The following CADM2 variants were observed in gnomAD, a reference collection of about 807,000 sequenced individuals.
CADM2 encodes the protein cell adhesion molecule 2, also known as immunoglobulin superfamily member 4D.
In CADM2, 12 loss-of-function variants were observed where a neutral mutation model predicts 49.8. That is an observed-to-expected ratio of 0.24 (90% CI 0.15 to 0.39). CADM2 has a LOEUF of 0.39. Ranked by LOEUF, CADM2 falls within the 10% of genes least tolerant of loss-of-function variation. The pLI is 1.00. For synonymous variants in CADM2, 214 were observed against 175.4 expected, an observed-to-expected ratio of 1.22 and a Z score of -1.74; for missense variants, 378 against 492.3, an observed-to-expected ratio of 0.77 and a Z score of 2.20.
At chr3:85,152,221 T>A (rs781460403) in intron 1 of CADM2, among the ~76,000 whole-genome samples, 1 of 152,204 alleles carries the variant, frequency 6.6e-6, no homozygotes, top group Non-Finnish European at 1.5e-5. Flanking sequence ...TATAATACTC[T>A]GTAAAGTTGG....
At chr3:85,189,720 T>C (rs1012845009) in intron 1 of CADM2, among the ~76,000 whole-genome samples, 1 of 152,138 alleles carries the variant, frequency 6.6e-6, no homozygotes, top group African/African-American at 2.4e-5. Context: ...AAGGCATTCT[T>C]TAGGGGGGAC....
intron 1 of CADM2, among the ~76,000 whole-genome samples, chr3:85,003,244 T>C (rs1410675204): frequency 6.6e-6 from 1 of 152,110 alleles, no homozygotes; most frequent in Admixed American, 6.6e-5. Context: ...AAGCCTCAGA[T>C]TACAAAGTAT....
intron 3 of CADM2, among the ~76,000 whole-genome samples, chr3:85,831,804 T>C (rs2074199697): frequency 6.7e-6 from 1 of 149,100 alleles, no homozygotes; most frequent in South Asian, 2.1e-4. Flanking sequence ...CTCTTGATAC[T>C]CTCTTTCATT....
chr3:85,134,300 G>A (rs932513198), intron 1 of CADM2, among the ~76,000 whole-genome samples: 1 of 152,198 alleles, frequency 6.6e-6, no homozygotes, highest in Non-Finnish European at 1.5e-5. Flanking sequence ...AGCCCAGAAA[G>A]GGGCTCCCAC....
chr3:85,751,323 T>A (rs1330520982), intron 2 of CADM2, among the ~76,000 whole-genome samples: 1 of 152,112 alleles, frequency 6.6e-6, no homozygotes, highest in Non-Finnish European at 1.5e-5. Flanking sequence ...GCAAACAGTT[T>A]TCATTTGTTT....
intron 1 of CADM2, among the ~76,000 whole-genome samples, chr3:85,523,989 A>G (rs2061095280): frequency 6.6e-6 from 1 of 152,164 alleles, no homozygotes; most frequent in Non-Finnish European, 1.5e-5. Context: ...TTATTTAGGG[A>G]CAGACCTTGT....
chr3:85,571,038 T>C (rs145166303), intron 1 of CADM2, among the ~76,000 whole-genome samples: 1 of 152,186 alleles, frequency 6.6e-6, no homozygotes, highest in Admixed American at 6.5e-5. Flanking sequence ...AAGTGTGGGC[T>C]CATAAGTGAA....
At chr3:85,112,589 T>C (rs1042189624) in intron 1 of CADM2, among the ~76,000 whole-genome samples, 14 of 151,914 alleles carry the variant, frequency 9.2e-5, no homozygotes, top group African/African-American at 2.9e-4. Flanking sequence ...CATTTTAGTA[T>C]GTGAATTATT....
chr3:85,656,450 A>G (rs2065199062), intron 1 of CADM2, among the ~76,000 whole-genome samples: 1 of 151,950 alleles, frequency 6.6e-6, no homozygotes, highest in African/African-American at 2.4e-5. Flanking sequence ...ACCCATCTCT[A>G]CTAAATATAC....
intron 1 of CADM2, among the ~76,000 whole-genome samples, chr3:85,191,652 A>C (rs1321947036): frequency 6.6e-6 from 1 of 152,120 alleles, no homozygotes; most frequent in Non-Finnish European, 1.5e-5. Flanking sequence ...AGAGAAGGGG[A>C]TCCACTATAC....
rs576034051 is a variant in CADM2, at chr3:85,925,866, A to G, written c.701-9901A>G. 1.7e-4 allele frequency among the ~76,000 whole-genome samples: 26 copies of G among 152,234 alleles called. No homozygotes were observed. In the East Asian group the frequency reaches 1.7e-3, roughly 10 times the overall value. On this transcript the variant is annotated intron_variant, in intron 6 of 9. Coordinates refer to ENST00000383699, the MANE Select transcript of CADM2 (RefSeq NM_001167675.2). ...AATATAAAGAAAATAGGCCGGGCAC[A>G]GTGGCTCACGCCTGTAATCCCAGCA...
intron 2 of CADM2, among the ~76,000 whole-genome samples, chr3:85,734,494 A>ATT (rs1223101501): frequency 1.3e-5 from 2 of 150,872 alleles, no homozygotes. Context: ...TACAATGGAG[A>ATT]TTATATATAT....
intron 1 of CADM2, among the ~76,000 whole-genome samples, chr3:85,453,710 T>C (rs997012154): frequency 1.3e-5 from 2 of 152,150 alleles, no homozygotes; most frequent in African/African-American, 4.8e-5. Flanking sequence ...AAAAAAAACC[T>C]GTTTAATGTG....
chr3:85,249,803 GA>G (rs2042733420), intron 1 of CADM2, among the ~76,000 whole-genome samples: 1 of 151,860 alleles, frequency 6.6e-6, no homozygotes, highest in South Asian at 2.1e-4. Flanking sequence ...TTTACAAAGA[GA>G]TAATTGAAAA....
At chr3:85,286,338 T>G (rs1438035887) in intron 1 of CADM2, among the ~76,000 whole-genome samples, 1 of 152,174 alleles carries the variant, frequency 6.6e-6, no homozygotes, top group Non-Finnish European at 1.5e-5. Context: ...AGGGTCTCCC[T>G]AACAAAGCTG....
chr3:85,004,043 G>C (rs182841426), intron 1 of CADM2, among the ~76,000 whole-genome samples: 73 of 152,222 alleles, frequency 4.8e-4, no homozygotes, highest in Admixed American at 4.7e-3. Flanking sequence ...TTTTTAAGAG[G>C]CTGTTGAGCT....
chr3:85,010,672 C>T (rs1456900620), intron 1 of CADM2, among the ~76,000 whole-genome samples: 1 of 151,646 alleles, frequency 6.6e-6, no homozygotes, highest in Admixed American at 6.6e-5. Flanking sequence ...TAAACCTGTC[C>T]TTGTTACTCC....
chr3:85,883,258 C>T (rs1559720011), intron 3 of CADM2, 33 bp from the exon 4 acceptor site: 6 of 1,576,470 alleles, frequency 3.8e-6, no homozygotes, highest in Non-Finnish European at 5.2e-6. Flanking sequence ...TTCTGATGTC[C>T]TTATTTACAT....
intron 1 of CADM2, among the ~76,000 whole-genome samples, chr3:85,582,712 T>C (rs991744332): frequency 3.3e-5 from 5 of 152,176 alleles, no homozygotes; most frequent in South Asian, 2.1e-4. Flanking sequence ...TACCATCACA[T>C]TGGGAACTGG....
Sources: allele counts gnomAD v4.1 joint callset (sites outside exome capture counted in the v4.1 genomes callset), GRCh38; gene constraint gnomAD v4.1.1; transcripts MANE v1.5; gene names NCBI Gene and HGNC (gene_info 2026-07-23, HGNC 2026-07-21).